PLAC9: variants seen among roughly 807,000 people sequenced by gnomAD.
The protein encoded by PLAC9 is placenta associated 9.
A neutral mutation model predicts 11.5 loss-of-function variants in PLAC9; 12 were observed. The observed-to-expected ratio is 1.05, with a 90% CI of 0.67 to 1.69. PLAC9 has a LOEUF of 1.69. PLAC9 is among the 40% of genes most tolerant of loss of function. The probability of loss-of-function intolerance (pLI) is 0.00; values close to 1 mark genes in which losing one functional copy is unlikely to be tolerated. For synonymous variants in PLAC9, 62 were observed against 58.1 expected, an observed-to-expected ratio of 1.07 and a Z score of -0.31; for missense variants, 132 against 130.5, an observed-to-expected ratio of 1.01 and a Z score of -0.06.
intron 1 of PLAC9, among the ~76,000 whole-genome samples, chr10:80,136,371 T>G (rs2132333658): frequency 6.6e-6 from 1 of 152,336 alleles, no homozygotes; most frequent in East Asian, 1.9e-4. Context: ...CAGCCTTGGC[T>G]GCTCAGGGTT....
rs897808065 is a variant in PLAC9 at position 80,145,278 on chromosome 10, T to A, written c.*368T>A. ...TCAGGGTCTCAGGACCCACCCAGAC[T>A]GTTTAATCCAAATCTGCATTGCAAT... On this transcript the variant is annotated 3_prime_UTR_variant, in exon 4 of 4. Coordinates refer to ENST00000372263, the MANE Select transcript of PLAC9 (RefSeq NM_001012973.3). The A allele has an allele frequency of 1.0e-5, 4 of 388,950 alleles. No homozygotes were observed. Among genetic ancestry groups the A allele is most frequent in the African/African-American group, 4.3e-5 (2 of 46,962 alleles). 24.1% of individuals were successfully genotyped at this position (388,950 alleles called of 1,614,324 possible).
intron 1 of PLAC9, among the ~76,000 whole-genome samples, chr10:80,136,646 T>G (rs1844978057): frequency 7.1e-6 from 1 of 141,514 alleles, no homozygotes; most frequent in Non-Finnish European, 1.5e-5. Context: ...TAATTTTTTT[T>G]TAATTTTTAT....
At chr10:80,144,678 G>T (rs903803976) in intron 3 of PLAC9, among the ~76,000 whole-genome samples, 9 of 152,244 alleles carry the variant, frequency 5.9e-5, no homozygotes, top group African/African-American at 1.7e-4. Flanking sequence ...TTTCCCCTGA[G>T]CAGCCACTCC....
chr10:80,135,525 G>A (rs1055695720), intron 1 of PLAC9, among the ~76,000 whole-genome samples: 3 of 151,346 alleles, frequency 2.0e-5, no homozygotes, highest in Non-Finnish European at 4.4e-5. Context: ...CGGGGGCTGC[G>A]GGGGAGTTTC....
At chr10:80,135,682 C>T (rs976405826) in intron 1 of PLAC9, among the ~76,000 whole-genome samples, 6 of 151,680 alleles carry the variant, frequency 4.0e-5, no homozygotes, top group African/African-American at 1.5e-4. Flanking sequence ...AACCTTTATC[C>T]CTGATGGCTT....
intron 1 of PLAC9, among the ~76,000 whole-genome samples, chr10:80,135,919 G>A (rs1478677000): frequency 3.9e-5 from 6 of 152,204 alleles, no homozygotes; most frequent in Non-Finnish European, 7.3e-5. Context: ...TTTCAAAGCA[G>A]AGTGTGACTT....
At chr10:80,134,577 T>C (rs528227937) in intron 1 of PLAC9, among the ~76,000 whole-genome samples, 2 of 152,276 alleles carry the variant, frequency 1.3e-5, no homozygotes, top group East Asian at 3.9e-4. Context: ...CATCATGTAT[T>C]TTCATCTATA....
rs767277080 is a variant in PLAC9 at position 80,144,301 on chromosome 10, C to T, written c.241C>T (p.Leu81=). Residue 81 remains leucine (L), a synonymous_variant, in exon 3 of 4, where the codon CTG becomes TTG. Transcript: ENST00000372263. The stretch of plus-strand genomic sequence containing the variant: ...CCTGCTGGAGGAGCTGGCCTGGAAC[C>T]TGCCCCCGGGACCCTTCAGCCCCGC... ...LGLLEELAWN[L]PPGPFSPAPD... The T allele has an allele frequency of 1.2e-6, 2 of 1,612,782 alleles. No individual in the cohort carries two copies. Among genetic ancestry groups the T allele is most frequent in the South Asian group, 2.2e-5 (2 of 91,062 alleles).
At chr10:80,131,717 A>C (rs1214105246), upstream of PLAC9, 2 of 152,240 alleles carry the variant, frequency 1.3e-5, no homozygotes, top group Non-Finnish European at 2.9e-5. Context: ...CTTGCTCTGG[A>C]GGAGGGAGTG....
intron 1 of PLAC9, among the ~76,000 whole-genome samples, chr10:80,136,811 C>G (rs1201480682): frequency 6.6e-6 from 1 of 152,126 alleles, no homozygotes; most frequent in Non-Finnish European, 1.5e-5. Context: ...CCGAGCCCAG[C>G]TCGTCTAGCT....
chr10:80,131,918 T>C (rs1367496296), upstream of PLAC9: 2 of 152,244 alleles, frequency 1.3e-5, no homozygotes, highest in African/African-American at 4.8e-5. Flanking sequence ...GACGAGACAC[T>C]CACTCAGGGC....
chr10:80,133,861 T>C (rs1040584317), intron 1 of PLAC9, among the ~76,000 whole-genome samples: 4 of 150,238 alleles, frequency 2.7e-5, no homozygotes, highest in Non-Finnish European at 4.4e-5. Context: ...GGAGAATCAC[T>C]TGAACCTGGG....
intron 1 of PLAC9, among the ~76,000 whole-genome samples, chr10:80,135,014 G>GTTTATTTATTTATTTATTTA (rs56271386): frequency 1.3e-5 from 2 of 149,356 alleles, no homozygotes; most frequent in African/African-American, 5.0e-5. Context: ...TTGTTTGTTT[G>GTTTATTTATTTATTTATTTA]TTTATTTATT....
At chr10:80,141,946 C>A (rs1003994676) in intron 1 of PLAC9, 136 bp from the exon 2 acceptor site, 3 of 507,808 alleles carry the variant, frequency 5.9e-6, no homozygotes, top group Non-Finnish European at 1.0e-5. Context: ...CGCACACTGA[C>A]CCCCACCTGG....
intron 2 of PLAC9, among the ~76,000 whole-genome samples, chr10:80,142,449 T>TATATAGCC (rs1238647466): frequency 6.6e-6 from 1 of 152,174 alleles, no homozygotes; most frequent in African/African-American, 2.4e-5. Context: ...ACTGTTTTGT[T>TATATAGCC]ATATAGCCAC....
rs138810772 is a variant in PLAC9, at chr10:80,144,901, T to C, written c.285T>C (p.Asp95=). 1.4e-4 allele frequency: 214 copies of C among 1,576,612 alleles called. No individual in the cohort carries two copies. The African/African-American group carries it at 2.2e-3, about 16-fold the overall frequency. Residue 95 remains aspartate (D), a splice_region_variant and synonymous_variant, in exon 4 of 4, where the codon GAT becomes GAC. Coordinates refer to ENST00000372263, the MANE Select transcript of PLAC9 (RefSeq NM_001012973.3). ...CTGGGGGCCTCTGCTTTCTTTCAGA[T>C]GGCTTCTGAGCCCTGGAGCTGGAGC... ...PFSPAPDLLG[D]GF
At chr10:80,132,203 C>G (rs1844920447), upstream of PLAC9, among the ~76,000 whole-genome samples, 1 of 152,104 alleles carries the variant, frequency 6.6e-6, no homozygotes, top group Non-Finnish European at 1.5e-5. Flanking sequence ...ACTCCCTTAC[C>G]AGAGCAGTGA....
At position 80,139,129 on chromosome 10, in the gene PLAC9, T is replaced by G. The variant is rs576416906; in HGVS notation, c.65-2953T>G. On this transcript the variant is annotated intron_variant, in intron 1 of 3. Coordinates refer to ENST00000372263, the MANE Select transcript of PLAC9 (RefSeq NM_001012973.3). ...GCCACGCCCGGCTAATTTTTTTGTA[T>G]TTTTAGTAGAGACGGGGTTTCACCG... 5.5e-3 allele frequency among the ~76,000 whole-genome samples: 840 copies of G among 152,062 alleles called. 9 individuals carry two copies. The highest frequency in any genetic ancestry group is 0.019 in the African/African-American group (795 of 41,448).
rs534831570 is a variant in PLAC9 at position 80,133,268 on chromosome 10, C to T, written c.64+442C>T. On this transcript the variant is annotated intron_variant, in intron 1 of 3. Coordinates refer to ENST00000372263, the MANE Select transcript of PLAC9 (RefSeq NM_001012973.3). Reference sequence around the variant, plus strand: ...AGGAGAGAGAGGGAAGCTCGATGCCCGGAGTAGAGCTGGCAAGAGAGAAGG... The same window carrying T: ...AGGAGAGAGAGGGAAGCTCGATGCCTGGAGTAGAGCTGGCAAGAGAGAAGG... Among the ~76,000 whole-genome samples the T allele has an allele frequency of 5.3e-5, 8 of 152,240 alleles. No homozygotes were observed. The South Asian group carries it at 1.7e-3, about 32-fold the overall frequency.
Sources: gnomAD v4.1 joint callset for allele counts (sites outside exome capture counted in the v4.1 genomes callset) on GRCh38, gnomAD v4.1.1 for gene constraint, MANE v1.5 for transcripts, NCBI Gene and HGNC (gene_info 2026-07-23, HGNC 2026-07-21) for gene names.